ZNF69: variants seen among roughly 807,000 people sequenced by gnomAD.
The protein encoded by ZNF69 is ZNF3.
Under a neutral mutation model 50.9 loss-of-function variants are expected in ZNF69, and 47 were observed. The ratio of observed to expected loss-of-function variants is 0.92; its 90% confidence interval spans 0.73 to 1.18. The LOEUF is 1.18. Among genes scored for constraint, ZNF69 ranks in the 50% most tolerant of loss-of-function variants. The probability of loss-of-function intolerance (pLI) is 0.00; values close to 1 mark genes in which losing one functional copy is unlikely to be tolerated. For missense variants in ZNF69, 717 were observed against 675.1 expected, an observed-to-expected ratio of 1.06 and a Z score of -0.69; for synonymous variants, 216 against 223.1, an observed-to-expected ratio of 0.97 and a Z score of 0.29.
At chr19:11,911,663 G>T (rs879576376), downstream of ZNF69, among the ~76,000 whole-genome samples, 6 of 152,028 alleles carry the variant, frequency 3.9e-5, no homozygotes, top group Non-Finnish European at 8.8e-5. Context: ...CACACACCAG[G>T]GCCTGTCATG....
chr19:11,911,635 A>G (rs1487067756), downstream of ZNF69, among the ~76,000 whole-genome samples: 1 of 152,156 alleles, frequency 6.6e-6, no homozygotes, highest in Non-Finnish European at 1.5e-5. Context: ...GAACACTTGG[A>G]CACAGGGAGG....
At chr19:11,956,356 AAT>A in the ZNF69 span, 1 of 378,944 alleles carries the variant, frequency 2.6e-6, no homozygotes, top group African/African-American at 2.1e-5. Flanking sequence ...CACATTTCTC[AAT>A]ATGTTTATTG....
Position 11,890,857 on chromosome 19 carries a change from G to A in ZNF69, c.63+2871G>A, listed in dbSNP as rs1049489712. 2.0e-3 allele frequency among the ~76,000 whole-genome samples: 305 copies of A among 152,276 alleles called. 2 individuals are homozygous for A. The highest frequency in any genetic ancestry group is 6.7e-3 in the African/African-American group (280 of 41,552). ...AGATAAATGCTTGATTGGTTGCAGA[G>A]ATGCAGTCGCCTTATTTGGACTTGC... On this transcript the variant is annotated intron_variant, in intron 1 of 3. Coordinates refer to ENST00000429654, the MANE Select transcript of ZNF69 (RefSeq NM_001364730.1).
At chr19:11,890,575 C>G (rs1444562066) in intron 1 of ZNF69, among the ~76,000 whole-genome samples, 2 of 152,134 alleles carry the variant, frequency 1.3e-5, no homozygotes, top group African/African-American at 4.8e-5. Context: ...TATGTAGACA[C>G]AGTAACAATC....
chr19:11,970,246 C>T, the ZNF69 span, among the ~76,000 whole-genome samples: 2 of 152,120 alleles, frequency 1.3e-5, no homozygotes, highest in African/African-American at 4.8e-5. Flanking sequence ...AGAGAAATAT[C>T]CCAAAAGACA....
chr19:11,942,677 C>T, the ZNF69 span, among the ~76,000 whole-genome samples: 9 of 152,138 alleles, frequency 5.9e-5, no homozygotes, highest in African/African-American at 7.2e-5. Flanking sequence ...CTGCATGCAT[C>T]GGTAACAGGA....
chr19:11,915,304 G>A (rs1163385200), downstream of ZNF69, among the ~76,000 whole-genome samples: 2 of 152,232 alleles, frequency 1.3e-5, no homozygotes, highest in Non-Finnish European at 2.9e-5. Flanking sequence ...TCACCAAAGA[G>A]TAGAAACAAC....
chr19:11,888,005 G>A lies in ZNF69; in HGVS notation c.63+19G>A. ...GGAAATGGTGCGTGTCTGGGGCCGG[G>A]TGTCGTGAGACGGGGGAGGGGCTGC... On this transcript the variant is annotated intron_variant, in intron 1 of 3. Coordinates refer to ENST00000429654, the MANE Select transcript of ZNF69 (RefSeq NM_001364730.1). 2 of 1,609,860 alleles carry A rather than the reference G, an allele frequency of 1.2e-6. No homozygotes were observed. The highest frequency in any genetic ancestry group is 8.5e-7 in the Non-Finnish European group (1 of 1,177,204).
intron 4 of ZNF69, among the ~76,000 whole-genome samples, chr19:11,912,312 C>T (rs1386658020): frequency 6.6e-6 from 1 of 152,040 alleles, no homozygotes; most frequent in East Asian, 1.9e-4. Context: ...AGCATTCATA[C>T]CTGCCAAGAT....
At chr19:11,972,500 T>C in the ZNF69 span, among the ~76,000 whole-genome samples, 1 of 152,276 alleles carries the variant, frequency 6.6e-6, no homozygotes, top group East Asian at 1.9e-4. Context: ...CAAATAATGA[T>C]GGAGCCAGTA....
the ZNF69 span, among the ~76,000 whole-genome samples, chr19:11,952,135 C>T: frequency 5.9e-5 from 9 of 151,954 alleles, no homozygotes; most frequent in Non-Finnish European, 8.8e-5. Context: ...GCCAAGATGG[C>T]GCCATTGCAC....
chr19:11,888,436 C>A (rs1157285418), intron 1 of ZNF69, among the ~76,000 whole-genome samples: 2 of 152,166 alleles, frequency 1.3e-5, no homozygotes, highest in Non-Finnish European at 2.9e-5. Flanking sequence ...ACGAATGAGA[C>A]ACACCCAGTC....
the ZNF69 span, among the ~76,000 whole-genome samples, chr19:11,970,969 G>T: frequency 6.6e-6 from 1 of 151,986 alleles, no homozygotes; most frequent in Admixed American, 6.6e-5. Context: ...AGATGCCCTG[G>T]TCTCACAATT....
chr19:11,974,114 TTTCTTTCTTTCTTTTCTTTCTTTC>T, the ZNF69 span, among the ~76,000 whole-genome samples: 21 of 84,986 alleles, frequency 2.5e-4, no homozygotes, highest in Middle Eastern at 6.3e-3. Context: ...TCTTTCTTTC[TTTCTTTCTTTCTTTTCTTTCTTTC>T]TTTCTTTCTT....
chr19:11,948,554 A>G, the ZNF69 span: 1 of 1,609,722 alleles, frequency 6.2e-7, no homozygotes, highest in Non-Finnish European at 8.5e-7. Flanking sequence ...GCCTTCAGGT[A>G]TCGCCCATCC....
At chr19:11,937,732 C>T in the ZNF69 span, among the ~76,000 whole-genome samples, 1 of 152,042 alleles carries the variant, frequency 6.6e-6, no homozygotes. Flanking sequence ...TCATGATCTG[C>T]CTGCCTCAGC....
the ZNF69 span, among the ~76,000 whole-genome samples, chr19:11,969,839 A>T: frequency 1.3e-5 from 2 of 152,168 alleles, no homozygotes; most frequent in Admixed American, 1.3e-4. Flanking sequence ...CTAGACACAG[A>T]CACCTTATCA....
At chr19:11,970,834 G>A in the ZNF69 span, among the ~76,000 whole-genome samples, 6 of 152,188 alleles carry the variant, frequency 3.9e-5, no homozygotes, top group Admixed American at 3.9e-4. Context: ...GGGAGGCTGA[G>A]GCAGGAGAAT....
chr19:11,953,617 A>G, the ZNF69 span, among the ~76,000 whole-genome samples: 1 of 152,220 alleles, frequency 6.6e-6, no homozygotes, highest in African/African-American at 2.4e-5. Flanking sequence ...ACAGATAGGG[A>G]ATATCATGAG....
Sources: gnomAD v4.1 joint callset for allele counts (sites outside exome capture counted in the v4.1 genomes callset) on GRCh38, gnomAD v4.1.1 for gene constraint, MANE v1.5 for transcripts, NCBI Gene and HGNC (gene_info 2026-07-23, HGNC 2026-07-21) for gene names.